Variants in SNTG2 observed in about 807,000 individuals in gnomAD.
SNTG2 encodes syntrophin gamma 2, also known as gamma-2-syntrophin.
In SNTG2, 74 loss-of-function variants were observed where a neutral mutation model predicts 70.9. That is an observed-to-expected ratio of 1.04 (90% CI 0.86 to 1.27). The LOEUF is 1.27. Among genes scored for constraint, SNTG2 ranks in the 50% most tolerant of loss-of-function variants. SNTG2 has a pLI of 0.00. For missense variants in SNTG2, 717 were observed against 690.7 expected (o/e 1.04, Z -0.43); for synonymous variants, 278 against 273.8 (o/e 1.02, Z -0.15).
At chr2:1,078,079 A>G (rs989430254) in intron 1 of SNTG2, among the ~76,000 whole-genome samples, 9 of 152,172 alleles carry the variant, frequency 5.9e-5, no homozygotes, top group African/African-American at 2.2e-4. Flanking sequence ...TACACTTCAA[A>G]GTTGTCTGTA....
At position 1,202,511 on chromosome 2, in the gene SNTG2, A is replaced by G. The variant is rs531240261; in HGVS notation, c.592-6592A>G. Among the ~76,000 whole-genome samples the G allele has an allele frequency of 2.6e-5, 4 of 152,286 alleles. No individual in the cohort carries two copies. In the East Asian group the frequency reaches 7.7e-4, roughly 29 times the overall value. On this transcript the variant is annotated intron_variant, in intron 8 of 16. Coordinates refer to ENST00000308624, the MANE Select transcript of SNTG2 (RefSeq NM_018968.4). ...TTATACAGAAGAATTTGTTCAACAG[A>G]GTAGAAAAAATCCAGGGGAACAAAA...
chr2:1,320,436 G>T (rs941355042), intron 16 of SNTG2, among the ~76,000 whole-genome samples: 3 of 151,190 alleles, frequency 2.0e-5, no homozygotes, highest in African/African-American at 7.3e-5. Context: ...GGAGGCTGAG[G>T]CAGGAGAATG....
At chr2:974,767 TG>T (rs765901990) in intron 1 of SNTG2, among the ~76,000 whole-genome samples, 1 of 152,198 alleles carries the variant, frequency 6.6e-6, no homozygotes, top group Non-Finnish European at 1.5e-5. Context: ...CTCTCTGGAA[TG>T]TAGTTCACTT....
chr2:1,228,153 C>T (rs1375316319), intron 9 of SNTG2, among the ~76,000 whole-genome samples: 1 of 152,234 alleles, frequency 6.6e-6, no homozygotes, highest in African/African-American at 2.4e-5. Context: ...CTGTGACCTC[C>T]CAGCGTGGGA....
intron 4 of SNTG2, among the ~76,000 whole-genome samples, chr2:1,115,661 C>T (rs1156743614): frequency 6.6e-6 from 1 of 151,588 alleles, no homozygotes; most frequent in Non-Finnish European, 1.5e-5. Context: ...TGAGGAGGAT[C>T]GTGTGTACTA....
chr2:1,178,887 C>T (rs1441876081), intron 8 of SNTG2, among the ~76,000 whole-genome samples: 3 of 152,106 alleles, frequency 2.0e-5, no homozygotes. Context: ...GGTACCAGCT[C>T]CTCCTTGTAC....
At position 1,312,610 on chromosome 2, in the gene SNTG2, C is replaced by T. The variant is rs141388210; in HGVS notation, c.1378-3655C>T. On this transcript the variant is annotated intron_variant, in intron 15 of 16. Transcript: ENST00000308624. Reference sequence around the variant, plus strand: ...GGAGAGGCAGAACCACCGCAGGATTCACTCGTTCTTGGGGACACGTTGAAA... The same window carrying T: ...GGAGAGGCAGAACCACCGCAGGATTTACTCGTTCTTGGGGACACGTTGAAA... Among the ~76,000 whole-genome samples, 762 of 152,308 alleles carry T rather than the reference C, an allele frequency of 5.0e-3. 11 individuals are homozygous for T. The highest frequency in any genetic ancestry group is 5.0e-3 in the Non-Finnish European group (339 of 68,026).
intron 1 of SNTG2, among the ~76,000 whole-genome samples, chr2:1,052,502 C>A (rs1662132862): frequency 6.6e-6 from 1 of 152,162 alleles, no homozygotes; most frequent in Admixed American, 6.5e-5. Context: ...CCTTATTTCT[C>A]ACTTCTTCCA....
intron 1 of SNTG2, among the ~76,000 whole-genome samples, chr2:997,290 C>A (rs113648708): frequency 0.011 from 1,613 of 152,242 alleles, 33 homozygotes; most frequent in African/African-American, 0.035. Flanking sequence ...GGATGTCAGC[C>A]ATGAGCCAGC....
chr2:1,354,824 G>A (rs1028981012), intron 16 of SNTG2, among the ~76,000 whole-genome samples: 6 of 152,364 alleles, frequency 3.9e-5, no homozygotes, highest in African/African-American at 1.4e-4. Flanking sequence ...TGACGTGTGA[G>A]AAGAGAATAC....
chr2:1,060,058 T>C (rs1662711904), intron 1 of SNTG2, among the ~76,000 whole-genome samples: 1 of 152,112 alleles, frequency 6.6e-6, no homozygotes, highest in South Asian at 2.1e-4. Context: ...TATCCCTACC[T>C]TACATCATAT....
At chr2:1,276,238 C>T (rs142730015) in intron 14 of SNTG2, among the ~76,000 whole-genome samples, 9 of 152,324 alleles carry the variant, frequency 5.9e-5, no homozygotes, top group East Asian at 5.8e-4. Flanking sequence ...TCCATGTAGA[C>T]GAAACAGCAT....
intron 8 of SNTG2, among the ~76,000 whole-genome samples, chr2:1,176,094 C>T (rs1025298435): frequency 2.8e-4 from 42 of 152,322 alleles, no homozygotes; most frequent in African/African-American, 8.4e-4. Flanking sequence ...CAGACATCCT[C>T]ATCCTCCTTA....
At chr2:1,025,262 G>T (rs372444840) in intron 1 of SNTG2, among the ~76,000 whole-genome samples, 1 of 152,124 alleles carries the variant, frequency 6.6e-6, no homozygotes, top group Non-Finnish European at 1.5e-5. Flanking sequence ...ACAAGGGCCC[G>T]GTTGGTAAAC....
chr2:1,348,983 C>T (rs1660441460), intron 16 of SNTG2, among the ~76,000 whole-genome samples: 2 of 152,218 alleles, frequency 1.3e-5, no homozygotes, highest in South Asian at 2.1e-4. Context: ...GCATGTGTTA[C>T]AGCAGAGAAA....
chr2:1,224,391 C>T (rs996518275), intron 9 of SNTG2, among the ~76,000 whole-genome samples: 4 of 152,192 alleles, frequency 2.6e-5, no homozygotes, highest in Admixed American at 6.5e-5. Context: ...GCCTGGAGCA[C>T]AGTCCTGGGG....
chr2:1,098,805 T>G (rs1379924336), intron 4 of SNTG2, among the ~76,000 whole-genome samples: 1 of 152,236 alleles, frequency 6.6e-6, no homozygotes, highest in Admixed American at 6.5e-5. Context: ...AAGAACGTAA[T>G]GAGCCTGTTG....
intron 6 of SNTG2, among the ~76,000 whole-genome samples, chr2:1,148,680 A>G (rs868333792): frequency 2.0e-5 from 3 of 152,222 alleles, no homozygotes; most frequent in Non-Finnish European, 2.9e-5. Context: ...CACCCAGATG[A>G]TGAAGCCAGC....
chr2:1,029,072 C>G (rs1660667408), intron 1 of SNTG2, among the ~76,000 whole-genome samples: 1 of 152,168 alleles, frequency 6.6e-6, no homozygotes, highest in South Asian at 2.1e-4. Flanking sequence ...ACAGCAGGCC[C>G]CCACGTTTCC....
Sources: gnomAD v4.1 joint callset for allele counts (sites outside exome capture counted in the v4.1 genomes callset) on GRCh38, gnomAD v4.1.1 for gene constraint, MANE v1.5 for transcripts, NCBI Gene and HGNC (gene_info 2026-07-23, HGNC 2026-07-21) for gene names.